CTNNA2: variants seen among roughly 807,000 people sequenced by gnomAD.
CTNNA2 encodes catenin alpha-2.
CTNNA2 carries 42 observed loss-of-function variants against 101.0 expected under a neutral mutation model. The ratio of observed to expected loss-of-function variants is 0.42; its 90% CI spans 0.32 to 0.54. The LOEUF (loss-of-function observed/expected upper bound fraction) is 0.54, where lower values mean the gene tolerates loss of function less well. Among genes scored for constraint, CTNNA2 ranks in the 20% least tolerant of loss-of-function variants. CTNNA2 has a pLI of 0.14. For missense variants in CTNNA2, 871 were observed against 1,223.1 expected, an observed-to-expected ratio of 0.71 and a Z score of 4.29; for synonymous variants, 450 against 456.4, an observed-to-expected ratio of 0.99 and a Z score of 0.18.
rs149228166 is a variant in CTNNA2, at chr2:79,424,546, A to G, written c.-135+50533A>G. 1.8e-3 allele frequency among the ~76,000 whole-genome samples: 268 copies of G among 152,236 alleles called. 1 individual carries two copies. Among genetic ancestry groups the G allele is most frequent in the African/African-American group, 6.0e-3 (249 of 41,550 alleles). On this transcript the variant is annotated intron_variant, in intron 4 of 21. Transcript: ENST00000466387. Reference sequence around the variant, plus strand: ...ATAACAAAAGCTACCTTATACCTCTATACTATTTGTTATATCTTACCTAGT... The same window carrying G: ...ATAACAAAAGCTACCTTATACCTCTGTACTATTTGTTATATCTTACCTAGT...
intron 1 of CTNNA2, among the ~76,000 whole-genome samples, chr2:79,520,134 A>G (rs1194017034): frequency 6.6e-6 from 1 of 152,202 alleles, no homozygotes; most frequent in Non-Finnish European, 1.5e-5. Flanking sequence ...CATATGTTTT[A>G]TACAATAAAG....
chr2:80,225,300 T>C (rs1424075995), intron 7 of CTNNA2, among the ~76,000 whole-genome samples: 3 of 152,198 alleles, frequency 2.0e-5, no homozygotes, highest in African/African-American at 7.2e-5. Context: ...TTGTTTCTTT[T>C]AATCTAAACT....
intron 7 of CTNNA2, among the ~76,000 whole-genome samples, chr2:80,135,664 A>G (rs1408988491): frequency 1.3e-5 from 2 of 152,058 alleles, no homozygotes; most frequent in Non-Finnish European, 2.9e-5. Flanking sequence ...TGGGCCCCCT[A>G]TGATGTGTCA....
chr2:80,385,848 A>T (rs1329087325), intron 7 of CTNNA2, among the ~76,000 whole-genome samples: 1 of 152,012 alleles, frequency 6.6e-6, no homozygotes, highest in East Asian at 1.9e-4. Flanking sequence ...GTGGGAAAAT[A>T]TGTCTCCTTC....
intron 2 of CTNNA2, among the ~76,000 whole-genome samples, chr2:79,252,743 C>T (rs1238757905): frequency 2.0e-5 from 3 of 151,926 alleles, no homozygotes; most frequent in Admixed American, 2.0e-4. Context: ...GTTTGTAATG[C>T]ATTTTATAAT....
intron 7 of CTNNA2, among the ~76,000 whole-genome samples, chr2:80,229,420 C>T (rs570914250): frequency 4.6e-5 from 7 of 151,710 alleles, no homozygotes; most frequent in South Asian, 2.1e-4. Context: ...GTTAGAATGG[C>T]TCACATCACG....
At chr2:79,335,520 A>G (rs1205059957) in intron 3 of CTNNA2, among the ~76,000 whole-genome samples, 1 of 152,164 alleles carries the variant, frequency 6.6e-6, no homozygotes, top group Non-Finnish European at 1.5e-5. Flanking sequence ...CACTTCCTCA[A>G]TTTCCTTCCA....
intron 4 of CTNNA2, among the ~76,000 whole-genome samples, chr2:79,480,607 AT>A (rs1671098390): frequency 6.6e-6 from 1 of 152,164 alleles, no homozygotes; most frequent in South Asian, 2.1e-4. Flanking sequence ...TCTTTTTAAT[AT>A]CTTTCTGAAT....
chr2:79,248,044 T>C (rs1392510476), intron 2 of CTNNA2, among the ~76,000 whole-genome samples: 1 of 152,232 alleles, frequency 6.6e-6, no homozygotes, highest in Non-Finnish European at 1.5e-5. Flanking sequence ...TTACAGCAGC[T>C]ATAGGAAATT....
chr2:79,331,024 G>A (rs1676859327), intron 3 of CTNNA2, among the ~76,000 whole-genome samples: 1 of 152,264 alleles, frequency 6.6e-6, no homozygotes, highest in South Asian at 2.1e-4. Flanking sequence ...CACCCCGTTA[G>A]GAATTAGTTC....
chr2:80,523,141 G>A (rs1478156988), intron 9 of CTNNA2, among the ~76,000 whole-genome samples: 2 of 152,132 alleles, frequency 1.3e-5, no homozygotes, highest in African/African-American at 2.4e-5. Context: ...TTGAATAGGT[G>A]CCATACCTGT....
intron 4 of CTNNA2, among the ~76,000 whole-genome samples, chr2:79,482,802 G>A (rs577381552): frequency 1.3e-5 from 2 of 152,322 alleles, no homozygotes; most frequent in Admixed American, 1.3e-4. Flanking sequence ...TAGAATAGTG[G>A]TTCTCAGACA....
chr2:79,895,691 A>ATTTTTTTTTTTTTTTTTTTTTTTTTT (rs757762487), intron 6 of CTNNA2, among the ~76,000 whole-genome samples: 1 of 107,764 alleles, frequency 9.3e-6, no homozygotes, highest in Non-Finnish European at 1.8e-5. Flanking sequence ...GAAATTTCTT[A>ATTTTTTTTTTTTTTTTTTTTTTTTTT]ATTTTTTTTT....
At chr2:79,228,720 C>CTT (rs540250951) in intron 2 of CTNNA2, among the ~76,000 whole-genome samples, 2 of 145,642 alleles carry the variant, frequency 1.4e-5, no homozygotes, top group African/African-American at 5.0e-5. Flanking sequence ...TCTGTTGATG[C>CTT]TTTTTTTTTT....
In CTNNA2 at chr2:80,098,406, G is replaced by A. The variant is rs184181811; in HGVS notation, c.1056+188609G>A. On this transcript the variant is annotated intron_variant, in intron 7 of 18. Coordinates refer to ENST00000402739, the MANE Select transcript of CTNNA2 (RefSeq NM_001282597.3). ...GAGTACCCGGCCATGTGAGGTGTCA[G>A]TCCGCCCCCACGGGGGGGTTGCCTC... is the stretch of plus-strand genomic sequence containing the variant. Among the ~76,000 whole-genome samples the A allele has an allele frequency of 1.8e-4, 28 of 152,324 alleles. No homozygotes were observed. In the East Asian group the frequency reaches 5.4e-3, roughly 30 times the overall value.
intron 8 of CTNNA2, among the ~76,000 whole-genome samples, chr2:80,399,065 C>G (rs538597044): frequency 7.0e-6 from 1 of 143,170 alleles, no homozygotes; most frequent in African/African-American, 2.9e-5. Context: ...TGTGCCACCA[C>G]GCCTGGCTAA....
chr2:79,722,879 A>T (rs1420831831), intron 2 of CTNNA2, among the ~76,000 whole-genome samples: 4 of 152,066 alleles, frequency 2.6e-5, no homozygotes, highest in Admixed American at 1.3e-4. Flanking sequence ...TGTAGTTGAG[A>T]GTTGTGTTAT....
intron 7 of CTNNA2, among the ~76,000 whole-genome samples, chr2:80,306,311 A>G (rs1214723817): frequency 3.3e-5 from 5 of 152,216 alleles, no homozygotes; most frequent in African/African-American, 1.2e-4. Flanking sequence ...TGAGGCCAAG[A>G]GACATCATGG....
intron 15 of CTNNA2, among the ~76,000 whole-genome samples, chr2:80,594,880 C>CAGTATGCCAGTA (rs1436362155): frequency 6.6e-6 from 1 of 151,918 alleles, no homozygotes; most frequent in Non-Finnish European, 1.5e-5. Context: ...GTCTCTATGT[C>CAGTATGCCAGTA]TGTCTGTATG....
Sources: gnomAD v4.1 joint callset for allele counts (sites outside exome capture counted in the v4.1 genomes callset) on GRCh38, gnomAD v4.1.1 for gene constraint, MANE v1.5 for transcripts, NCBI Gene and HGNC (gene_info 2026-07-23, HGNC 2026-07-21) for gene names.